GRHL2: variants seen among roughly 807,000 people sequenced by gnomAD.
GRHL2 encodes grainyhead-like protein 2 homolog.
GRHL2 carries 21 observed loss-of-function variants against 83.8 expected under a neutral mutation model. That is an observed-to-expected ratio of 0.25 (90% CI 0.18 to 0.36). The LOEUF (loss-of-function observed/expected upper bound fraction) is 0.36, where lower values mean the gene tolerates loss of function less well. Among genes scored for constraint, GRHL2 ranks in the 10% least tolerant of loss-of-function variants. The pLI is 1.00. For synonymous variants in GRHL2, 280 were observed against 278.9 expected (o/e 1.00, Z -0.04); for missense variants, 623 against 781.8 (o/e 0.80, Z 2.42).
At chr8:101,540,646 A>G (rs1418870918) in intron 1 of GRHL2, among the ~76,000 whole-genome samples, 1 of 152,128 alleles carries the variant, frequency 6.6e-6, no homozygotes, top group African/African-American at 2.4e-5. Context: ...ACACAAAAGC[A>G]TGCATCATGA....
chr8:101,553,169 G>A (rs1424408557), intron 3 of GRHL2, among the ~76,000 whole-genome samples: 1 of 152,168 alleles, frequency 6.6e-6, no homozygotes, highest in African/African-American at 2.4e-5. Context: ...TCAGGGAAGG[G>A]GAAAGAAAGG....
Position 101,492,594 on chromosome 8 carries a change from C to CGCGA in GRHL2, c.-172_-169dup. The CGCGA allele has an allele frequency of 1.4e-6, 1 of 710,154 alleles. No individual in the cohort carries two copies. Among genetic ancestry groups the CGCGA allele is most frequent in the Non-Finnish European group, 2.6e-6 (1 of 383,756 alleles). 44.0% of individuals were successfully genotyped at this position (710,154 alleles called of 1,614,324 possible). A position where few individuals can be genotyped will look rare whatever the true frequency, so the allele number is the denominator to read the frequency against. ...TCCCACCTTTCCGGCTAGGTGAGGG[C>CGCGA]GCGAGCGGGCGAGCGAGCGAGAGTG... On this transcript the variant is annotated 5_prime_UTR_variant, in exon 1 of 16. Transcript: ENST00000646743.
At chr8:101,673,630 C>T (rs1814244515), downstream of GRHL2, among the ~76,000 whole-genome samples, 1 of 151,964 alleles carries the variant, frequency 6.6e-6, no homozygotes, top group African/African-American at 2.4e-5. Context: ...ACCCCACTGT[C>T]AACATTAGAC....
downstream of GRHL2, among the ~76,000 whole-genome samples, chr8:101,669,943 C>T (rs1018439839): frequency 6.6e-6 from 1 of 152,200 alleles, no homozygotes; most frequent in Non-Finnish European, 1.5e-5. Context: ...TTGTGTGTGA[C>T]CACGGCAGGC....
intron 1 of GRHL2, among the ~76,000 whole-genome samples, chr8:101,504,117 T>C (rs1299818518): frequency 1.3e-5 from 2 of 152,328 alleles, no homozygotes; most frequent in South Asian, 2.1e-4. Context: ...AAAAGCCTAC[T>C]TGCTGCTTGC....
intron 1 of GRHL2, among the ~76,000 whole-genome samples, chr8:101,508,840 T>C (rs1222634883): frequency 6.6e-6 from 1 of 152,084 alleles, no homozygotes; most frequent in Non-Finnish European, 1.5e-5. Flanking sequence ...ACCCCAAAGA[T>C]GAGACAGTTA....
chr8:101,675,042 A>G, the GRHL2 span, among the ~76,000 whole-genome samples: 1 of 152,218 alleles, frequency 6.6e-6, no homozygotes, highest in African/African-American at 2.4e-5. Context: ...TCAATTAGCT[A>G]TTGATGGGAC....
chr8:101,624,188 C>T (rs1028695412), intron 9 of GRHL2, among the ~76,000 whole-genome samples: 15 of 142,792 alleles, frequency 1.1e-4, no homozygotes, highest in African/African-American at 4.2e-4. Flanking sequence ...ACACAGTACA[C>T]AGTAGGACAG....
chr8:101,639,884 A>G (rs1813364733), intron 12 of GRHL2, among the ~76,000 whole-genome samples: 1 of 152,370 alleles, frequency 6.6e-6, no homozygotes, highest in African/African-American at 2.4e-5. Context: ...ACTCACATAA[A>G]TTAATGCTCA....
intron 1 of GRHL2, 84 bp downstream of exon 1, chr8:101,492,873 G>A (rs1586386674): frequency 1.7e-6 from 2 of 1,196,144 alleles, no homozygotes; most frequent in East Asian, 2.3e-5. Flanking sequence ...TTGTTTTTAA[G>A]TTGCTATTGT....
chr8:101,528,226 T>G (rs545170782), intron 1 of GRHL2, among the ~76,000 whole-genome samples: 20 of 152,328 alleles, frequency 1.3e-4, no homozygotes, highest in African/African-American at 4.3e-4. Context: ...GTCTTATGAT[T>G]TTTTGTTTGT....
Position 101,631,683 on chromosome 8 carries a change from A to G in GRHL2, c.1304A>G (p.Lys435Arg), listed in dbSNP as rs1375052724. The part of the protein sequence containing the change: ...IRDEERKQNR[K>R]KGKGQASQTQ... ...GATGAAGAGCGGAAGCAGAACAGGA[A>G]GAAAGGGAAAGGCCAGGCCTCCCAA... The change falls in exon 10 of 16, where the codon AAG (lysine) becomes AGG (arginine). Residue 435 changes from lysine (K) to arginine (R), a missense_variant. Lys to Arg is a conservative substitution (Grantham distance 26). Transcript: ENST00000646743. The G allele has an allele frequency of 1.9e-6, 3 of 1,613,706 alleles. No homozygotes were observed. Among genetic ancestry groups the G allele is most frequent in the Non-Finnish European group, 2.5e-6 (3 of 1,179,782 alleles).
intron 9 of GRHL2, among the ~76,000 whole-genome samples, chr8:101,620,872 A>G (rs185055132): frequency 3.3e-5 from 5 of 152,274 alleles, no homozygotes; most frequent in Admixed American, 2.0e-4. Flanking sequence ...TTTAGGCTCT[A>G]TGAATTCTGA....
chr8:101,675,210 G>A, the GRHL2 span, among the ~76,000 whole-genome samples: 8 of 152,106 alleles, frequency 5.3e-5, no homozygotes, highest in African/African-American at 1.9e-4. Context: ...TCTGGCCAGG[G>A]CAATTAGGCA....
At chr8:101,558,390 A>G (rs1387657738) in intron 3 of GRHL2, 29 bp from the exon 4 acceptor site, 2 of 1,613,514 alleles carry the variant, frequency 1.2e-6, no homozygotes, top group South Asian at 1.1e-5. Context: ...TTCTAATTCT[A>G]TCATGTTGCG....
chr8:101,524,839 A>G (rs1206645592), intron 1 of GRHL2, among the ~76,000 whole-genome samples: 4 of 152,154 alleles, frequency 2.6e-5, no homozygotes, highest in African/African-American at 7.2e-5. Context: ...TTTTGAAGGT[A>G]GGGTTAACCC....
rs79099001 is a variant in GRHL2, at chr8:101,629,805, G to A, written c.1258-1832G>A. Among the ~76,000 whole-genome samples, 17 of 152,102 alleles carry A rather than the reference G, an allele frequency of 1.1e-4. No homozygotes were observed. In the East Asian group the frequency reaches 2.9e-3, roughly 26 times the overall value. On this transcript the variant is annotated intron_variant, in intron 9 of 15. Coordinates refer to ENST00000646743, the MANE Select transcript of GRHL2 (RefSeq NM_024915.4). ...TATGTTTCACATCCAATTGAAGATC[G>A]TATCTGCGCATTTAACACTTCATTT... is the stretch of plus-strand genomic sequence containing the variant.
At chr8:101,545,058 T>A (rs1054984021) in intron 2 of GRHL2, among the ~76,000 whole-genome samples, 55 of 152,320 alleles carry the variant, frequency 3.6e-4, no homozygotes, top group Non-Finnish European at 2.9e-5. Context: ...AAAGCGAGGC[T>A]TTATCTAAGA....
chr8:101,608,729 A>ATT (rs1812681796), intron 8 of GRHL2, among the ~76,000 whole-genome samples: 1 of 59,980 alleles, frequency 1.7e-5, no homozygotes, highest in African/African-American at 1.0e-4. Flanking sequence ...GTCTCTGCTC[A>ATT]CTCTCTCACA....
Sources: allele counts gnomAD v4.1 joint callset (sites outside exome capture counted in the v4.1 genomes callset), GRCh38; gene constraint gnomAD v4.1.1; transcripts MANE v1.5; gene names NCBI Gene and HGNC (gene_info 2026-07-23, HGNC 2026-07-21).